AP5Z1: variants seen among roughly 807,000 people sequenced by gnomAD.
AP5Z1 encodes the protein adaptor related protein complex 5 subunit zeta 1, also known as AP-5 complex subunit zeta-1.
In AP5Z1, 106 loss-of-function variants were observed where a neutral mutation model predicts 83.0. That is an observed-to-expected ratio of 1.28 (90% CI 1.09 to 1.50). The LOEUF (loss-of-function observed/expected upper bound fraction) is 1.50. Among genes scored for constraint, AP5Z1 ranks in the 40% most tolerant of loss-of-function variants. The pLI is 0.00. For synonymous variants in AP5Z1, 751 were observed against 514.1 expected (o/e 1.46, Z -6.23); for missense variants, 1,565 against 1,094.2 (o/e 1.43, Z -6.07).
At chr7:4,789,984 T>TCCCCCCCCCCCCTCCCCCCCCCCCCCCCC in intron 14 of AP5Z1, 55 bp downstream of exon 14, 1 of 1,133,806 alleles carries the variant, frequency 8.8e-7, no homozygotes. Context: ...CCTGGACTCC[T>TCCCCCCCCCCCCTCCCCCCCCCCCCCCCC]CCCCCTCTCC....
intron 1 of AP5Z1, 121 bp from the exon 2 acceptor site, chr7:4,781,054 G>A: frequency 7.7e-7 from 1 of 1,305,582 alleles, no homozygotes; most frequent in African/African-American, 1.5e-5. Flanking sequence ...GTGGAACCGT[G>A]TTCCTCCACA....
rs1337568762 is a variant in AP5Z1, at chr7:4,792,350, C to T, written c.*965C>T. The T allele has an allele frequency of 6.6e-6, 1 of 151,526 alleles. No homozygotes were observed. The highest frequency in any genetic ancestry group is 1.9e-4 in the East Asian group (1 of 5,150). The allele number at this position is 151,526 out of a possible 1,614,324, so 9.4% of individuals were successfully genotyped here. ...TCCGCCCCCGGTCTCCTCTTTTGCT[C>T]TGGCCCCGCCCACCTCCCCTCCGGC... On this transcript the variant is annotated 3_prime_UTR_variant, in exon 17 of 17. Transcript: ENST00000649063.
chr7:4,791,346 C>T lies in AP5Z1; in HGVS notation c.2385C>T (p.Ser795=). 1 of 1,608,654 alleles carries T rather than the reference C, an allele frequency of 6.2e-7. No homozygotes were observed. Among genetic ancestry groups the T allele is most frequent in the South Asian group, 1.1e-5 (1 of 90,282 alleles). The part of the protein sequence containing the change: ...TALPLALRTV[S]RLVEREAGLM... ...TGCCCCTGGCCCTGCGCACGGTCAGCCGGCTGGTGGAGAGGGAGGCCGGCC... is the reference window on the plus strand; with the variant it reads ...TGCCCCTGGCCCTGCGCACGGTCAGTCGGCTGGTGGAGAGGGAGGCCGGCC... The change falls in exon 17 of 17, where the codon AGC becomes AGT. Residue 795 remains serine, a synonymous_variant. Coordinates refer to ENST00000649063, the MANE Select transcript of AP5Z1 (RefSeq NM_014855.3).
At chr7:4,778,282 A>G (rs547068592) in intron 1 of AP5Z1, among the ~76,000 whole-genome samples, 1 of 152,310 alleles carries the variant, frequency 6.6e-6, no homozygotes, top group Admixed American at 6.5e-5. Flanking sequence ...TGTGTCAGAG[A>G]TACGGAAAGC....
At position 4,783,662 on chromosome 7, in the gene AP5Z1, C is replaced by G. The variant is rs186028694; in HGVS notation, c.512-27C>G. On this transcript the variant is annotated intron_variant, in intron 4 of 16. Coordinates refer to ENST00000649063, the MANE Select transcript of AP5Z1 (RefSeq NM_014855.3). ...AGGCATCTGTAGGATTCAACCTCAC[C>G]TCCCCATGCCACCCCACCCACTGCA... 4.3e-4 allele frequency: 659 copies of G among 1,542,542 alleles called. 7 individuals are homozygous for G. The African/African-American group carries it at 7.8e-3, about 18-fold the overall frequency.
In AP5Z1 at chr7:4,791,524, CACAG is replaced by C; in HGVS notation, c.*143_*146del. On this transcript the variant is annotated 3_prime_UTR_variant, in exon 17 of 17. Coordinates refer to ENST00000649063, the MANE Select transcript of AP5Z1 (RefSeq NM_014855.3). ...AGGCCCACGGTGGGCTTGGCACCCT[CACAG>C]ACACGCGGGGCTGGCCCCCCTGCTC... The C allele has an allele frequency of 3.9e-6, 5 of 1,279,326 alleles. No individual in the cohort carries two copies. The highest frequency in any genetic ancestry group is 5.3e-6 in the Non-Finnish European group (5 of 943,864). The allele number at this position is 1,279,326 out of a possible 1,614,324, so 79.2% of individuals were successfully genotyped here.
chr7:4,779,171 TATAAC>T lies in AP5Z1; in HGVS notation c.42-1995_42-1991del, dbSNP rs199632778. On this transcript the variant is annotated intron_variant, in intron 1 of 16. Transcript: ENST00000649063. ...ACATATATAACAACTATATAACATA[TATAAC>T]ATAACATATATAACAACATAATATA... is the stretch of plus-strand genomic sequence containing the variant. 1.5e-3 allele frequency among the ~76,000 whole-genome samples: 225 copies of T among 145,264 alleles called. 3 individuals carry two copies. The highest frequency in any genetic ancestry group is 4.2e-3 in the Admixed American group (60 of 14,152).
intron 1 of AP5Z1, among the ~76,000 whole-genome samples, chr7:4,777,441 A>T (rs1376679180): frequency 6.6e-6 from 1 of 152,014 alleles, no homozygotes; most frequent in African/African-American, 2.4e-5. Flanking sequence ...AGGCTGGAGT[A>T]CAATGGCGCA....
intron 4 of AP5Z1, 86 bp downstream of exon 4, chr7:4,783,546 G>C (rs1781444218): frequency 6.4e-7 from 1 of 1,560,676 alleles, no homozygotes; most frequent in Non-Finnish European, 8.7e-7. Flanking sequence ...GGGAGTGTGG[G>C]GGGCAGGTGG....
Position 4,790,470 on chromosome 7 carries a change from C to G in AP5Z1, c.1817C>G (p.Ser606Cys). ...YAAGVHSVLS[S>C]QFLALCTLKP... ...GGCTTTCTGGGCAGTGTGCTGAGTT[C>G]TCAGTTCCTGGCCCTGTGTACGCTG... The change falls in exon 15 of 17, where the codon TCT becomes TGT. Residue 606 changes from serine (S) to cysteine (C), a missense_variant. Ser to Cys is a moderately radical substitution (Grantham distance 112). Coordinates refer to ENST00000649063, the MANE Select transcript of AP5Z1 (RefSeq NM_014855.3). The G allele has an allele frequency of 1.2e-6, 2 of 1,613,192 alleles. No homozygotes were observed. The highest frequency in any genetic ancestry group is 8.5e-7 in the Non-Finnish European group (1 of 1,179,872).
rs1781767658 is a variant in AP5Z1 at position 4,791,369 on chromosome 7, G to T, written c.2408G>T (p.Gly803Val). 6.2e-7 allele frequency: 1 copy of T among 1,606,606 alleles called. No individual in the cohort carries two copies. The highest frequency in any genetic ancestry group is 8.5e-7 in the Non-Finnish European group (1 of 1,177,110). Residue 803 changes from glycine (G) to valine (V), a missense_variant, in exon 17 of 17, where the codon GGC becomes GTC. Physicochemically the swap from Gly to Val is moderately radical, Grantham distance 109 (BLOSUM62 -3). Coordinates refer to ENST00000649063, the MANE Select transcript of AP5Z1 (RefSeq NM_014855.3). Reference sequence around the variant, plus strand: ...AGCCGGCTGGTGGAGAGGGAGGCCGGCCTCATGCCAGGGTGAAGGGACAGT... The same window carrying T: ...AGCCGGCTGGTGGAGAGGGAGGCCGTCCTCATGCCAGGGTGAAGGGACAGT... ...TVSRLVEREA[G>V]LMPG is the part of the protein sequence containing the mutation.
chr7:4,787,888 C>A lies in AP5Z1; in HGVS notation c.1454+112C>A, dbSNP rs1323517115. The A allele has an allele frequency of 7.5e-6, 10 of 1,328,806 alleles. No homozygotes were observed. In the East Asian group the frequency reaches 1.5e-4, roughly 20 times the overall value. 82.3% of individuals were successfully genotyped at this position (1,328,806 alleles called of 1,614,324 possible). On this transcript the variant is annotated intron_variant, in intron 11 of 16. Transcript: ENST00000649063. The stretch of plus-strand genomic sequence containing the variant: ...ACACCGGGGACCCTCCTTCTTCCCC[C>A]CCCAACACCTGACCAGTCCTCCCCT...
At chr7:4,781,051 C>T (rs539852030) in intron 1 of AP5Z1, 124 bp from the exon 2 acceptor site, 38 of 1,263,022 alleles carry the variant, frequency 3.0e-5, no homozygotes, top group Admixed American at 5.1e-5. Context: ...GCCGTGGAAC[C>T]GTGTTCCTCC....
In AP5Z1 at chr7:4,787,682, C is replaced by T. The variant is rs371402624; in HGVS notation, c.1360C>T (p.Leu454Phe). Residue 454 changes from leucine to phenylalanine, a missense_variant, in exon 11 of 17, where the codon CTC becomes TTC. By Grantham distance (22) the Leu-to-Phe change is conservative. Transcript: ENST00000649063. ...CCTCACCTCCGAGTTTGTGGCGCTC[C>T]TCCCGGCCCTGGTGGACGCTGGCAC... ...PPLTSEFVAL[L>F]PALVDAGTAL... is the part of the protein sequence containing the mutation. The T allele has an allele frequency of 2.6e-5, 40 of 1,552,634 alleles. No homozygotes were observed. The highest frequency in any genetic ancestry group is 5.2e-6 in the Non-Finnish European group (6 of 1,148,810).
chr7:4,783,568 A>G (rs1285984400), intron 4 of AP5Z1, 108 bp downstream of exon 4: 2 of 1,538,978 alleles, frequency 1.3e-6, no homozygotes, highest in African/African-American at 1.4e-5. Context: ...GGACACGGGG[A>G]GGCCCGAGGG....
At position 4,784,958 on chromosome 7, in the gene AP5Z1, T is replaced by A. The variant is rs765690642; in HGVS notation, c.841T>A (p.Ser281Thr). The A allele has an allele frequency of 9.8e-5, 158 of 1,611,876 alleles. No individual in the cohort carries two copies. In the Admixed American group the frequency reaches 1.1e-3, roughly 12 times the overall value. ...GSTLSVISAT[S>T]SAGRLLPPRE... is the part of the protein sequence containing the mutation. ...CACTCTGTCGGTGATCTCCGCCACC[T>A]CCTCTGCCGGCCGCCTGCTGCCGCC... The change falls in exon 7 of 17, where the codon TCC (serine) becomes ACC (threonine). Residue 281 changes from serine (S) to threonine (T), a missense_variant. Coordinates refer to ENST00000649063, the MANE Select transcript of AP5Z1 (RefSeq NM_014855.3).
At position 4,792,127 on chromosome 7, in the gene AP5Z1, G is replaced by A. The variant is rs531980213; in HGVS notation, c.*742G>A. 2.6e-5 allele frequency: 4 copies of A among 152,276 alleles called. No homozygotes were observed. Among genetic ancestry groups the A allele is most frequent in the Admixed American group, 6.5e-5 (1 of 15,292 alleles). 9.4% of individuals were successfully genotyped at this position (152,276 alleles called of 1,614,324 possible). ...CTCAGAACACTGGATTCGCGCGAAG[G>A]GGAGGTGTCTGGGCGTGCGGCCCCA... On this transcript the variant is annotated 3_prime_UTR_variant, in exon 17 of 17. Transcript: ENST00000649063.
rs764102238 is a variant in AP5Z1 at position 4,790,561 on chromosome 7, C to G, written c.1908C>G (p.Leu636=). ...AGTTCCTGGGCAGCGTGAATGGTCT[C>G]TGCAGCAGGGCGAGCCTCGTCACCA... ...LLEFLGSVNG[L]CSRASLVTSV... is the part of the protein sequence containing the mutation. Residue 636 remains leucine, a synonymous_variant, in exon 15 of 17, where the codon CTC becomes CTG. Coordinates refer to ENST00000649063, the MANE Select transcript of AP5Z1 (RefSeq NM_014855.3). 18 of 1,613,092 alleles carry G rather than the reference C, an allele frequency of 1.1e-5. No homozygotes were observed. Among genetic ancestry groups the G allele is most frequent in the Non-Finnish European group, 1.4e-5 (17 of 1,179,866 alleles).
At chr7:4,783,208 G>C (rs1781431430) in intron 3 of AP5Z1, 108 bp from the exon 4 acceptor site, 2 of 1,440,884 alleles carry the variant, frequency 1.4e-6, no homozygotes, top group Non-Finnish European at 1.8e-6. Flanking sequence ...GCTAGGCCGG[G>C]GTCTCAGCGA....
Sources: gnomAD v4.1 joint callset for allele counts (sites outside exome capture counted in the v4.1 genomes callset) on GRCh38, gnomAD v4.1.1 for gene constraint, MANE v1.5 for transcripts, NCBI Gene and HGNC (gene_info 2026-07-23, HGNC 2026-07-21) for gene names.